NOTCH2: variants seen among roughly 807,000 people sequenced by gnomAD.
NOTCH2 encodes the protein notch receptor 2.
A neutral mutation model predicts 235.8 loss-of-function variants in NOTCH2; 29 were observed. The observed-to-expected ratio is 0.12, with a 90% CI of 0.09 to 0.17. NOTCH2 has a LOEUF of 0.17. NOTCH2 is among the 10% of genes least tolerant of loss of function. The pLI, the probability that NOTCH2 is intolerant of heterozygous loss-of-function variation, is 1.00. For synonymous variants in NOTCH2, 1,086 were observed against 1,141.5 expected (o/e 0.95, Z 0.98); for missense variants, 2,285 against 3,150.2 (o/e 0.73, Z 6.57).
intron 10 of NOTCH2, 25 bp downstream of exon 10, chr1:119,965,428 A>G (rs1416402931): frequency 6.5e-7 from 1 of 1,548,012 alleles, no homozygotes; most frequent in Non-Finnish European, 8.9e-7. Context: ...CCTACCAAGG[A>G]GATGAAAAGT....
At chr1:119,978,108 G>A (rs1385622874) in intron 5 of NOTCH2, among the ~76,000 whole-genome samples, 2 of 152,138 alleles carry the variant, frequency 1.3e-5, no homozygotes, top group African/African-American at 4.8e-5. Flanking sequence ...TTAAGAGAAG[G>A]CCTGGGAGGA....
At position 119,914,047 on chromosome 1, in the gene NOTCH2, A is replaced by G. The variant is rs1648979749; in HGVS notation, c.*1259T>C. 4.3e-6 allele frequency: 1 copy of G among 233,268 alleles called. No homozygotes were observed. Among genetic ancestry groups the G allele is most frequent in the East Asian group, 6.0e-5 (1 of 16,582 alleles). The allele number at this position is 233,268 out of a possible 1,614,324, so 14.4% of individuals were successfully genotyped here. A position where few individuals can be genotyped will look rare whatever the true frequency, so the allele number is the denominator to read the frequency against. ...TTAAGCAGCAAGATAATCAGTAGAG[A>G]CTGATCATCTGACAAACGGAAGACA... On this transcript the variant is annotated 3_prime_UTR_variant, in exon 34 of 34. Transcript: ENST00000256646.
chr1:119,944,492 G>A (rs1306196060), intron 17 of NOTCH2, among the ~76,000 whole-genome samples: 3 of 143,750 alleles, frequency 2.1e-5, no homozygotes, highest in African/African-American at 5.2e-5. Flanking sequence ...CCAAGTTCAC[G>A]CCACTGCACT....
Position 119,967,490 on chromosome 1 carries a change from G to T in NOTCH2, c.1396C>A (p.Gln466Lys), listed in dbSNP as rs141935585. The T allele has an allele frequency of 7.4e-4, 1,199 of 1,614,102 alleles. 11 individuals carry two copies. The highest frequency in any genetic ancestry group is 5.1e-3 in the South Asian group (460 of 91,080). The change falls in exon 8 of 34, where the codon CAG (glutamine) becomes AAG (lysine). Residue 466 changes from glutamine (Q) to lysine (K), a missense_variant. Physicochemically the swap from Gln to Lys is moderately conservative, Grantham distance 53. Coordinates refer to ENST00000256646, the MANE Select transcript of NOTCH2 (RefSeq NM_024408.4). ...TTATCCAGACAGGTAGCATCATTCT[G>T]GCAGGGGTCTGAATGGCACTCATTG... is the stretch of plus-strand genomic sequence containing the variant. Reference protein sequence around the residue: ...DINECHSDPCQNDATCLDKIG... With the variant: ...DINECHSDPCKNDATCLDKIG...
rs200559571 is a variant in NOTCH2 at position 119,920,183 on chromosome 1, T to C, written c.5479+46A>G. On this transcript the variant is annotated intron_variant, in intron 30 of 33. Transcript: ENST00000256646. The stretch of plus-strand genomic sequence containing the variant: ...ACACAGGGACAACAATGTGGAACCA[T>C]GGGCAGACACAGCCCAGTGAAGAGG... 7.4e-4 allele frequency: 1,199 copies of C among 1,609,976 alleles called. 11 individuals carry two copies. Among genetic ancestry groups the C allele is most frequent in the South Asian group, 5.0e-3 (455 of 90,716 alleles).
intron 4 of NOTCH2, among the ~76,000 whole-genome samples, chr1:119,987,880 G>GA: frequency 6.6e-6 from 1 of 152,110 alleles, no homozygotes; most frequent in Non-Finnish European, 1.5e-5. Context: ...TATGAAAAAT[G>GA]AAACTAGTAC....
chr1:119,975,791 C>G (rs1247669804), intron 5 of NOTCH2, among the ~76,000 whole-genome samples: 1 of 152,120 alleles, frequency 6.6e-6, no homozygotes, highest in African/African-American at 2.4e-5. Flanking sequence ...GACCATGAAA[C>G]AGTCAGCATT....
chr1:119,948,896 G>T, intron 16 of NOTCH2, 111 bp downstream of exon 16: 1 of 1,362,910 alleles, frequency 7.3e-7, no homozygotes, highest in Non-Finnish European at 1.1e-6. Flanking sequence ...CTCTTGACAA[G>T]ATGGACAGGC....
chr1:119,969,545 G>C lies in NOTCH2; in HGVS notation c.1074C>G (p.Ala358=). 1 of 1,613,982 alleles carries C rather than the reference G, an allele frequency of 6.2e-7. No homozygotes were observed. The highest frequency in any genetic ancestry group is 8.5e-7 in the Non-Finnish European group (1 of 1,179,966). The change falls in exon 6 of 34, where the codon GCC becomes GCG. Residue 358 remains alanine, a synonymous_variant. Transcript: ENST00000256646. The stretch of plus-strand genomic sequence containing the variant: ...CCTCTGGGCACATGCAAGAGAAGGA[G>C]GCCACACGGTCGATGCAGGTGGAGC... ...TPGSTCIDRV[A]SFSCMCPEGK... is the part of the protein sequence containing the mutation.
rs1345166838 is a variant in NOTCH2 at position 119,922,418 on chromosome 1, C to A, written c.5031G>T (p.Gln1677His). Reference sequence around the variant, plus strand: ...CAGCAACAGCAAGGAGATAGAGGAGCTGAGTGCGTTCTGGAGTCAGGGATT... The same window carrying A: ...CAGCAACAGCAAGGAGATAGAGGAGATGAGTGCGTTCTGGAGTCAGGGATT... ...VSESLTPERT[Q>H]LLYLLAVAVV... Residue 1677 changes from glutamine to histidine, a missense_variant, in exon 28 of 34, where the codon CAG becomes CAT. By Grantham distance (24) the Gln-to-His change is conservative. This residue lies in a region of NOTCH2 where 1,173 missense variants were observed against 1,515.3 expected (regional missense o/e 0.77). Transcript: ENST00000256646. 5 of 1,613,472 alleles carry A rather than the reference C, an allele frequency of 3.1e-6. No individual in the cohort carries two copies. Among genetic ancestry groups the A allele is most frequent in the African/African-American group, 1.3e-5 (1 of 74,914 alleles).
Position 119,920,292 on chromosome 1 carries a change from C to T in NOTCH2, c.5416G>A (p.Ala1806Thr), listed in dbSNP as rs1290746516. ...TGCTCTGCCTGAGGAGGGGTGAGAG[C>T]CAGCGATGGTGTCCTACGGATGTCT... ...AADIRRTPSL[A>T]LTPPQAEQEV... Residue 1806 changes from alanine to threonine, a missense_variant, in exon 30 of 34, where the codon GCT (alanine) becomes ACT (threonine). Around this residue, in one of 6 missense-constraint regions of NOTCH2, gnomAD observed 1,173 missense variants for 1,515.3 expected, o/e 0.77. Coordinates refer to ENST00000256646, the MANE Select transcript of NOTCH2 (RefSeq NM_024408.4). 1 of 1,614,188 alleles carries T rather than the reference C, an allele frequency of 6.2e-7. No homozygotes were observed. Among genetic ancestry groups the T allele is most frequent in the South Asian group, 1.1e-5 (1 of 91,078 alleles).
At chr1:120,027,679 A>C (rs587698067) in intron 2 of NOTCH2, among the ~76,000 whole-genome samples, 5 of 123,750 alleles carry the variant, frequency 4.0e-5, no homozygotes, top group African/African-American at 9.4e-5. Context: ...CCCTTTGTCC[A>C]TGTGTTCTCA....
intron 14 of NOTCH2, among the ~76,000 whole-genome samples, chr1:119,951,400 C>T (rs1650468451): frequency 6.6e-6 from 1 of 152,328 alleles, no homozygotes. Context: ...GATCCTCCCA[C>T]CTTACCCTCC....
intron 3 of NOTCH2, among the ~76,000 whole-genome samples, chr1:120,003,688 A>G (rs1553205837): frequency 6.6e-6 from 1 of 152,096 alleles, no homozygotes; most frequent in African/African-American, 2.4e-5. Context: ...CAATCTATTC[A>G]GGTGAGATAT....
intron 14 of NOTCH2, among the ~76,000 whole-genome samples, chr1:119,951,898 C>T (rs1366573001): frequency 6.6e-6 from 1 of 152,174 alleles, no homozygotes; most frequent in Non-Finnish European, 1.5e-5. Flanking sequence ...AAGCAAGTCT[C>T]AGAAGATAAA....
chr1:120,033,996 T>C (rs61788906), intron 1 of NOTCH2, among the ~76,000 whole-genome samples: 45 of 150,184 alleles, frequency 3.0e-4, no homozygotes, highest in African/African-American at 8.1e-4. Flanking sequence ...TTATCTTCCA[T>C]ACAAAGAGAA....
At chr1:120,066,513 A>G (rs1553217122) in intron 1 of NOTCH2, among the ~76,000 whole-genome samples, 1 of 149,774 alleles carries the variant, frequency 6.7e-6, no homozygotes, top group African/African-American at 2.5e-5. Flanking sequence ...AACTAGATCA[A>G]TGCAAATTTT....
At chr1:119,980,429 C>G (rs1302406650) in intron 5 of NOTCH2, among the ~76,000 whole-genome samples, 3 of 152,134 alleles carry the variant, frequency 2.0e-5, no homozygotes, top group Non-Finnish European at 2.9e-5. Flanking sequence ...GTTTCTGTCT[C>G]CCATAACCCT....
intron 2 of NOTCH2, among the ~76,000 whole-genome samples, chr1:120,025,008 T>C (rs1387267331): frequency 6.6e-6 from 1 of 151,998 alleles, no homozygotes; most frequent in Admixed American, 6.6e-5. Context: ...AGTTTTGTTT[T>C]TTTTTTTATC....
Sources: gnomAD v4.1 joint callset for allele counts (sites outside exome capture counted in the v4.1 genomes callset) on GRCh38, gnomAD v4.1.1 for gene constraint, gnomAD v4.1.1 regional missense constraint, MANE v1.5 for transcripts, NCBI Gene and HGNC (gene_info 2026-07-23, HGNC 2026-07-21) for gene names.